The following UNC13D variants were observed in gnomAD, a reference collection of about 807,000 sequenced individuals.
UNC13D encodes protein unc-13 homolog D.
Under a neutral mutation model 151.7 loss-of-function variants are expected in UNC13D, and 115 were observed. The ratio of observed to expected loss-of-function variants is 0.76; its 90% CI spans 0.65 to 0.88. The LOEUF is 0.88. UNC13D is among the 40% of genes least tolerant of loss of function. The pLI, the probability that UNC13D is intolerant of heterozygous loss-of-function variation, is 0.00. For missense variants in UNC13D, 1,369 were observed against 1,438.7 expected, an observed-to-expected ratio of 0.95 and a Z score of 0.78; for synonymous variants, 588 against 612.2, an observed-to-expected ratio of 0.96 and a Z score of 0.58.
At position 75,840,820 on chromosome 17, in the gene UNC13D, T is replaced by A; in HGVS notation, c.625A>T (p.Thr209Ser). 6.2e-7 allele frequency: 1 copy of A among 1,613,978 alleles called. No individual in the cohort carries two copies. Among genetic ancestry groups the A allele is most frequent in the Non-Finnish European group, 8.5e-7 (1 of 1,180,000 alleles). Residue 209 changes from threonine (T) to serine (S), a missense_variant, in exon 8 of 32, where the codon ACT becomes TCT. Around this residue, in one of 3 missense-constraint regions of UNC13D, gnomAD observed 550 missense variants for 609.0 expected, o/e 0.90. Transcript: ENST00000207549. The surrounding 1 kb of genome is among the most constrained non-coding windows in gnomAD (Gnocchi z 4.6). ...AGCTTCTGTCGGACAGACTCCACAG[T>A]GTCCAGGTCCCTGGCAGGACAGAGG... ...SFHLDMWDLD[T>S]VESVRQKLGE...
rs374230802 is a variant in UNC13D at position 75,832,943 on chromosome 17, C to T, written c.2447+23G>A. 582 of 1,564,716 alleles carry T rather than the reference C, an allele frequency of 3.7e-4. No individual in the cohort carries two copies. The highest frequency in any genetic ancestry group is 4.9e-4 in the Non-Finnish European group (561 of 1,153,194). On this transcript the variant is annotated intron_variant, in intron 25 of 31. Transcript: ENST00000207549. This position sits in a 1 kb window ranked among gnomAD's most constrained non-coding sequence, Gnocchi z 4.3. Reference sequence around the variant, plus strand: ...GGAGAGGGGGAGGTGGCGAGCGCGCCCAGGGCAGGGGCTGCTACAGACCTG... The same window carrying T: ...GGAGAGGGGGAGGTGGCGAGCGCGCTCAGGGCAGGGGCTGCTACAGACCTG...
chr17:75,841,697 CT>C (rs1321839321), intron 6 of UNC13D, among the ~76,000 whole-genome samples: 1 of 150,224 alleles, frequency 6.7e-6, no homozygotes, highest in Non-Finnish European at 1.5e-5. Context: ...CTGCCTCGGC[CT>C]CCCAAAAGTG....
rs765835347 is a variant in UNC13D, at chr17:75,840,835, C to A, written c.615-5G>T. On this transcript the variant is annotated splice_region_variant and splice_polypyrimidine_tract_variant and intron_variant, in intron 7 of 31. Coordinates refer to ENST00000207549, the MANE Select transcript of UNC13D (RefSeq NM_199242.3). The surrounding 1 kb of genome is among the most constrained non-coding windows in gnomAD (Gnocchi z 4.6). ...GACTCCACAGTGTCCAGGTCCCTGG[C>A]AGGACAGAGGTTTGAGAAGGAAGCA... 6.2e-7 allele frequency: 1 copy of A among 1,614,076 alleles called. No individual in the cohort carries two copies. The highest frequency in any genetic ancestry group is 8.5e-7 in the Non-Finnish European group (1 of 1,180,030).
In UNC13D at chr17:75,837,008, C is replaced by T; in HGVS notation, c.1056-90G>A. ...GCCTCAGGTGGGGGGAATCGCCTCC[C>T]ATCCACCAGTACAGGCTGAAAACTA... On this transcript the variant is annotated intron_variant, in intron 12 of 31. Transcript: ENST00000207549. 4.6e-6 allele frequency: 5 copies of T among 1,098,458 alleles called. No individual in the cohort carries two copies. The South Asian group carries it at 5.1e-5, about 11-fold the overall frequency. 68.0% of individuals were successfully genotyped at this position (1,098,458 alleles called of 1,614,324 possible). A position where few individuals can be genotyped will look rare whatever the true frequency, so the allele number is the denominator to read the frequency against.
chr17:75,843,431 G>A (rs2143901934), intron 2 of UNC13D, 53 bp downstream of exon 2: 1 of 1,583,076 alleles, frequency 6.3e-7, no homozygotes, highest in Non-Finnish European at 8.6e-7. Flanking sequence ...GCCGGCAGGA[G>A]GACACACAGC....
chr17:75,841,876 G>A (rs9894244), intron 6 of UNC13D, among the ~76,000 whole-genome samples: 68,615 of 150,786 alleles, frequency 0.46, 19,095 homozygotes, highest in African/African-American at 0.79. Flanking sequence ...AGCCTTCCGA[G>A]TAGCTGGGAC....
intron 5 of UNC13D, 71 bp from the exon 6 acceptor site, chr17:75,842,684 C>G (rs1201758404): frequency 2.9e-5 from 46 of 1,605,528 alleles, no homozygotes; most frequent in Non-Finnish European, 3.7e-5. Flanking sequence ...CTCATCACCC[C>G]CGCCCGGGGC....
chr17:75,827,666 C>T lies in UNC13D; in HGVS notation c.*299G>A. On this transcript the variant is annotated 3_prime_UTR_variant, in exon 32 of 32. Transcript: ENST00000207549. ...GACAGATGGCCCAATCCCCTGCCCA[C>T]CACAGCAGCTTTTCTGAGAGGCGGG... 6.5e-7 allele frequency: 1 copy of T among 1,529,410 alleles called. No individual in the cohort carries two copies. The allele number at this position is 1,529,410 out of a possible 1,614,324, so 94.7% of individuals were successfully genotyped here. A position where few individuals can be genotyped will look rare whatever the true frequency, so the allele number is the denominator to read the frequency against.
intron 28 of UNC13D, 38 bp from the exon 29 acceptor site, chr17:75,830,520 A>G: frequency 6.3e-7 from 1 of 1,583,200 alleles, no homozygotes; most frequent in Non-Finnish European, 8.6e-7. Context: ...GCAGGGTCAC[A>G]GCGGGAGCGG....
At chr17:75,837,792 T>A (rs2064919180) in intron 12 of UNC13D, among the ~76,000 whole-genome samples, 1 of 150,360 alleles carries the variant, frequency 6.7e-6, no homozygotes, top group African/African-American at 2.5e-5. Context: ...ATAGGATCTA[T>A]GAACCTGAGC....
At chr17:75,841,441 C>CAT (rs2064948761) in intron 6 of UNC13D, among the ~76,000 whole-genome samples, 2 of 117,992 alleles carry the variant, frequency 1.7e-5, no homozygotes, top group Non-Finnish European at 3.5e-5. Flanking sequence ...CCGCGCCCAG[C>CAT]CTTTTTTTTT....
chr17:75,835,732 C>T lies in UNC13D; in HGVS notation c.1642G>A (p.Val548Met), dbSNP rs1177797792. The T allele has an allele frequency of 1.2e-6, 2 of 1,613,722 alleles. No homozygotes were observed. The highest frequency in any genetic ancestry group is 2.7e-5 in the African/African-American group (2 of 74,946). ...QDHTTVVGDV[V>M]SPEMGESLFQ... ...AGACTCTCGCCCATCTCTGGGGACACTACATCACCCACAACCGTCGTGTGG... is the reference window on the plus strand; with the variant it reads ...AGACTCTCGCCCATCTCTGGGGACATTACATCACCCACAACCGTCGTGTGG... Residue 548 changes from valine to methionine, a missense_variant, in exon 19 of 32, where the codon GTG becomes ATG. Physicochemically the swap from Val to Met is conservative, Grantham distance 21. This residue lies in a region of UNC13D where 807 missense variants were observed against 795.5 expected (regional missense o/e 1.01). Transcript: ENST00000207549.
rs770717173 is a variant in UNC13D, at chr17:75,844,217, C to A, written c.117+4G>T. 3 of 1,611,132 alleles carry A rather than the reference C, an allele frequency of 1.9e-6. No homozygotes were observed. Among genetic ancestry groups the A allele is most frequent in the African/African-American group, 2.7e-5 (2 of 74,932 alleles). ...AGCTCTCTCCCCAGTGAGGTCACTC[C>A]TACCTCCGGGGCCATTTGGGGCGGG... On this transcript the variant is annotated splice_donor_region_variant and intron_variant, in intron 1 of 31. Transcript: ENST00000207549.
At chr17:75,828,123 G>C (rs757534118) in intron 31 of UNC13D, 37 bp from the exon 32 acceptor site, 1 of 1,563,566 alleles carries the variant, frequency 6.4e-7, no homozygotes, top group Admixed American at 1.9e-5. Context: ...GATGCCAGGG[G>C]AGAGGGCAGT....
intron 31 of UNC13D, 62 bp from the exon 32 acceptor site, chr17:75,828,148 G>A: frequency 6.5e-7 from 1 of 1,546,174 alleles, no homozygotes; most frequent in Non-Finnish European, 8.8e-7. Flanking sequence ...GGTGGTGGCA[G>A]AGAAGAGTGT....
At chr17:75,838,904 T>C (rs1364177987) in intron 12 of UNC13D, among the ~76,000 whole-genome samples, 6 of 151,774 alleles carry the variant, frequency 4.0e-5, no homozygotes, top group Admixed American at 3.9e-4. Context: ...ATCGAGACCA[T>C]CCTGGCTAAC....
In UNC13D at chr17:75,835,041, G is replaced by A. The variant is rs1259124043; in HGVS notation, c.1871C>T (p.Thr624Ile). 6.2e-7 allele frequency: 1 copy of A among 1,613,966 alleles called. No individual in the cohort carries two copies. The highest frequency in any genetic ancestry group is 8.5e-7 in the Non-Finnish European group (1 of 1,180,014). Residue 624 changes from threonine to isoleucine, a missense_variant, in exon 21 of 32, where the codon ACC (threonine) becomes ATC (isoleucine). Thr to Ile is a moderately conservative substitution (Grantham distance 89). Coordinates refer to ENST00000207549, the MANE Select transcript of UNC13D (RefSeq NM_199242.3). ...MDELVPLGELTKHSTSAVDLS... is the reference protein window; with the variant it reads ...MDELVPLGELIKHSTSAVDLS... Reference sequence around the variant, plus strand: ...ATCCACCGCTGATGTGCTGTGCTTGGTCAGTTCACCCAGGGGCACCAGCTG... The same window carrying A: ...ATCCACCGCTGATGTGCTGTGCTTGATCAGTTCACCCAGGGGCACCAGCTG...
Position 75,835,681 on chromosome 17 carries a change from C to T in UNC13D, c.1693G>A (p.Glu565Lys). Residue 565 changes from glutamate (E) to lysine (K), a missense_variant, in exon 19 of 32, where the codon GAG (glutamate) becomes AAG (lysine). Physicochemically the swap from Glu to Lys is moderately conservative, Grantham distance 56 (BLOSUM62 1). This residue lies in a region of UNC13D where 807 missense variants were observed against 795.5 expected (regional missense o/e 1.01). Transcript: ENST00000207549. The part of the protein sequence containing the change: ...SLFQLYISLK[E>K]LCQLRMSSSE... ...GAGCTCATGCGCAGCTGGCAGAGCT[C>T]CTTGAGGCTGATGTAGAGCTGGAAC... 1 of 1,613,502 alleles carries T rather than the reference C, an allele frequency of 6.2e-7. No individual in the cohort carries two copies. Among genetic ancestry groups the T allele is most frequent in the East Asian group, 2.2e-5 (1 of 44,886 alleles).
In UNC13D at chr17:75,828,437, G is replaced by A. The variant is rs1349877173; in HGVS notation, c.3151+350C>T. Among the ~76,000 whole-genome samples, 11 of 152,188 alleles carry A rather than the reference G, an allele frequency of 7.2e-5. No individual in the cohort carries two copies. The East Asian group carries it at 1.2e-3, about 16-fold the overall frequency. ...GTAAAAGAGTGCTAATATCTGCTTC[G>A]TTGGCTGGAATGCATAAAGTGCTTA... On this transcript the variant is annotated intron_variant, in intron 31 of 31. Coordinates refer to ENST00000207549, the MANE Select transcript of UNC13D (RefSeq NM_199242.3).
Sources: allele counts gnomAD v4.1 joint callset (sites outside exome capture counted in the v4.1 genomes callset), GRCh38; gene constraint gnomAD v4.1.1; regional missense constraint gnomAD v4.1.1; non-coding constraint Gnocchi (gnomAD v3.1); transcripts MANE v1.5; gene names NCBI Gene and HGNC (gene_info 2026-07-23, HGNC 2026-07-21).